The following NPAS3 variants were observed in gnomAD, a reference collection of about 807,000 sequenced individuals.
NPAS3 encodes neuronal PAS domain protein 3.
In NPAS3, 14 loss-of-function variants were observed where a neutral mutation model predicts 73.1. The ratio of observed to expected loss-of-function variants is 0.19; its 90% CI spans 0.13 to 0.30. The LOEUF is 0.30. NPAS3 is among the 10% of genes least tolerant of loss of function. NPAS3 has a pLI of 1.00. For synonymous variants in NPAS3, 620 were observed against 541.5 expected (o/e 1.14, Z -2.01); for missense variants, 1,096 against 1,250.0 (o/e 0.88, Z 1.86).
chr14:33,644,940 G>A (rs12879874), intron 5 of NPAS3, among the ~76,000 whole-genome samples: 66,805 of 151,568 alleles, frequency 0.44, 15,217 homozygotes, highest in Admixed American at 0.57. Flanking sequence ...ATTTATCCAG[G>A]TGTGGTGGCG....
At chr14:33,622,774 A>G (rs1211777379) in intron 5 of NPAS3, among the ~76,000 whole-genome samples, 2 of 152,172 alleles carry the variant, frequency 1.3e-5, no homozygotes, top group Non-Finnish European at 2.9e-5. Flanking sequence ...TTCCATTTTC[A>G]TAGTTGAGAG....
intron 4 of NPAS3, among the ~76,000 whole-genome samples, chr14:33,433,724 G>A (rs1387438746): frequency 6.6e-6 from 1 of 152,192 alleles, no homozygotes; most frequent in Non-Finnish European, 1.5e-5. Context: ...TTAGGCAATA[G>A]CTCATCTTTC....
At chr14:33,130,400 G>A (rs75630271) in intron 2 of NPAS3, among the ~76,000 whole-genome samples, 1 of 152,142 alleles carries the variant, frequency 6.6e-6, no homozygotes, top group African/African-American at 2.4e-5. Flanking sequence ...AGGTGAAGAG[G>A]AATAGTCTTT....
intron 2 of NPAS3, among the ~76,000 whole-genome samples, chr14:33,117,702 T>TTCTATCAAATAA (rs1482479709): frequency 6.6e-6 from 1 of 152,140 alleles, no homozygotes; most frequent in African/African-American, 2.4e-5. Context: ...TAACCTTATT[T>TTCTATCAAATAA]GATAGAAATT....
At chr14:33,408,207 G>A (rs1308709621) in intron 4 of NPAS3, among the ~76,000 whole-genome samples, 1 of 151,952 alleles carries the variant, frequency 6.6e-6, no homozygotes, top group African/African-American at 2.4e-5. Flanking sequence ...TTAAAACTTG[G>A]CTGGTTCTCA....
intron 1 of NPAS3, among the ~76,000 whole-genome samples, chr14:33,017,653 T>TTA (rs1173554783): frequency 2.0e-5 from 3 of 152,318 alleles, no homozygotes; most frequent in African/African-American, 7.2e-5. Context: ...TGGTCTAAAC[T>TTA]TAAAGCCTGG....
intron 5 of NPAS3, among the ~76,000 whole-genome samples, chr14:33,623,377 T>TA (rs1310357505): frequency 1.3e-5 from 2 of 152,144 alleles, no homozygotes; most frequent in Non-Finnish European, 1.5e-5. Context: ...CAGGCCAAAA[T>TA]AACACTGGAG....
intron 2 of NPAS3, among the ~76,000 whole-genome samples, chr14:33,079,414 G>A (rs950775905): frequency 5.5e-5 from 8 of 146,560 alleles, no homozygotes; most frequent in Non-Finnish European, 8.9e-5. Context: ...CGCCTCCCGA[G>A]TTCAAGCGAT....
At chr14:32,946,598 A>T (rs1245210950) in intron 1 of NPAS3, among the ~76,000 whole-genome samples, 1 of 152,194 alleles carries the variant, frequency 6.6e-6, no homozygotes, top group Admixed American at 6.5e-5. Flanking sequence ...TTTTGGATGT[A>T]ATATTGTCAA....
chr14:33,080,091 C>G (rs2041817642), intron 2 of NPAS3, among the ~76,000 whole-genome samples: 1 of 151,956 alleles, frequency 6.6e-6, no homozygotes, highest in Non-Finnish European at 1.5e-5. Flanking sequence ...ACATATAGTC[C>G]AATCTGATTT....
At chr14:32,946,682 A>T (rs1431263186) in intron 1 of NPAS3, among the ~76,000 whole-genome samples, 2 of 152,182 alleles carry the variant, frequency 1.3e-5, no homozygotes, top group Admixed American at 6.5e-5. Flanking sequence ...GAAGTGCTTG[A>T]GTATTTGTGA....
chr14:33,431,875 T>A (rs921473623), intron 4 of NPAS3, among the ~76,000 whole-genome samples: 2 of 152,186 alleles, frequency 1.3e-5, no homozygotes, highest in African/African-American at 4.8e-5. Flanking sequence ...TCTGAATTGT[T>A]ACACAGCCTA....
At chr14:33,565,867 C>T (rs2055900931) in intron 5 of NPAS3, among the ~76,000 whole-genome samples, 1 of 151,882 alleles carries the variant, frequency 6.6e-6, no homozygotes. Flanking sequence ...CTTTTCAAAA[C>T]GTTTCAAGTA....
At chr14:33,145,805 A>G (rs944046643) in intron 2 of NPAS3, among the ~76,000 whole-genome samples, 1 of 152,208 alleles carries the variant, frequency 6.6e-6, no homozygotes, top group East Asian at 1.9e-4. Flanking sequence ...GATTTCACAG[A>G]CTATCGGACC....
chr14:33,717,896 T>C (rs1000052925), intron 6 of NPAS3, among the ~76,000 whole-genome samples: 2 of 152,152 alleles, frequency 1.3e-5, no homozygotes, highest in Non-Finnish European at 2.9e-5. Flanking sequence ...AAAGCTGGTA[T>C]ACACAAAATA....
At chr14:33,735,011 C>A (rs184879130) in intron 6 of NPAS3, among the ~76,000 whole-genome samples, 1 of 152,230 alleles carries the variant, frequency 6.6e-6, no homozygotes, top group South Asian at 2.1e-4. Context: ...GAAACTGGAA[C>A]GAGGTGACTC....
chr14:33,198,165 A>G (rs551420988), intron 2 of NPAS3, among the ~76,000 whole-genome samples: 1 of 152,190 alleles, frequency 6.6e-6, no homozygotes, highest in Non-Finnish European at 1.5e-5. Context: ...ACAGCTCATA[A>G]AGTCAGTGCG....
At chr14:33,212,397 G>A (rs796968849) in intron 2 of NPAS3, among the ~76,000 whole-genome samples, 2 of 152,108 alleles carry the variant, frequency 1.3e-5, no homozygotes, top group African/African-American at 4.8e-5. Flanking sequence ...TCTAATAGGG[G>A]GACACCATGT....
At chr14:33,479,970 C>A (rs1427870608) in intron 4 of NPAS3, among the ~76,000 whole-genome samples, 1 of 151,960 alleles carries the variant, frequency 6.6e-6, no homozygotes, top group African/African-American at 2.4e-5. Flanking sequence ...ATCCTTGTTT[C>A]TAAATAAATG....
Sources: allele counts gnomAD v4.1 joint callset (sites outside exome capture counted in the v4.1 genomes callset), GRCh38; gene constraint gnomAD v4.1.1; transcripts MANE v1.5; gene names NCBI Gene and HGNC (gene_info 2026-07-23, HGNC 2026-07-21).